The following NEBL variants were observed in gnomAD, a reference collection of about 807,000 sequenced individuals.
NEBL encodes LIM and SH3 protein 2.
In NEBL, 122 loss-of-function variants were observed where a neutral mutation model predicts 140.2. The ratio of observed to expected loss-of-function variants is 0.87; its 90% CI spans 0.75 to 1.01. NEBL has a LOEUF of 1.01. Ranked by LOEUF, NEBL falls within the 50% of genes least tolerant of loss-of-function variation. The pLI, the probability that NEBL is intolerant of heterozygous loss-of-function variation, is 0.00. For synonymous variants in NEBL, 436 were observed against 398.9 expected (o/e 1.09, Z -1.11); for missense variants, 1,365 against 1,231.3 (o/e 1.11, Z -1.62).
At chr10:21,031,237 C>A (rs1833769728) in intron 2 of NEBL, among the ~76,000 whole-genome samples, 1 of 152,052 alleles carries the variant, frequency 6.6e-6, no homozygotes, top group Admixed American at 6.6e-5. Flanking sequence ...GATGATGAAC[C>A]CTATGGGGGT....
At chr10:21,145,057 G>A (rs192469856) in intron 2 of NEBL, among the ~76,000 whole-genome samples, 44 of 151,730 alleles carry the variant, frequency 2.9e-4, no homozygotes, top group Admixed American at 2.6e-3. Flanking sequence ...AAAGATGCTC[G>A]TGGATAGAAC....
At chr10:20,970,479 C>T (rs1836521443) in intron 3 of NEBL, among the ~76,000 whole-genome samples, 1 of 151,718 alleles carries the variant, frequency 6.6e-6, no homozygotes, top group African/African-American at 2.4e-5. Flanking sequence ...TCTCTGCTCC[C>T]CCCACCAAAA....
chr10:20,818,605 A>C (rs1004201250), intron 20 of NEBL: 2 of 168,886 alleles, frequency 1.2e-5, no homozygotes, highest in Admixed American at 1.3e-4. Flanking sequence ...TTTTCTTTTC[A>C]TATTGACATC....
At chr10:21,137,546 G>GT (rs1294434963) in intron 2 of NEBL, among the ~76,000 whole-genome samples, 3 of 152,128 alleles carry the variant, frequency 2.0e-5, no homozygotes, top group African/African-American at 7.2e-5. Context: ...GCCCCATTAG[G>GT]TTTTCAGTCT....
In NEBL at chr10:20,784,425, C is replaced by T. The variant is rs1454101315; in HGVS notation, c.*1322G>A. On this transcript the variant is annotated 3_prime_UTR_variant, in exon 28 of 28. Coordinates refer to ENST00000377122, the MANE Select transcript of NEBL (RefSeq NM_006393.3). ...AACAATTTCTTTCTTAGAGAACAGG[C>T]TCTTGGGCCTGTACTAAAAAATCTC... The T allele has an allele frequency of 6.6e-6, 1 of 152,086 alleles. No homozygotes were observed. Among genetic ancestry groups the T allele is most frequent in the Non-Finnish European group, 1.5e-5 (1 of 68,022 alleles). The allele number at this position is 152,086 out of a possible 1,614,324, so 9.4% of individuals were successfully genotyped here. A position where few individuals can be genotyped will look rare whatever the true frequency, so the allele number is the denominator to read the frequency against.
At chr10:20,827,343 C>A (rs367954491) in intron 17 of NEBL, among the ~76,000 whole-genome samples, 39 of 152,290 alleles carry the variant, frequency 2.6e-4, no homozygotes, top group African/African-American at 8.7e-4. Context: ...ATCCTTCCAT[C>A]AAGACTTTCC....
intron 3 of NEBL, among the ~76,000 whole-genome samples, chr10:21,180,405 G>C (rs1010016164): frequency 6.6e-6 from 1 of 152,158 alleles, no homozygotes; most frequent in Non-Finnish European, 1.5e-5. Context: ...CTCCATGAAA[G>C]AGACCTTAAA....
intron 19 of NEBL, among the ~76,000 whole-genome samples, chr10:20,820,799 T>C (rs1335788651): frequency 6.6e-6 from 1 of 151,880 alleles, no homozygotes; most frequent in African/African-American, 2.4e-5. Context: ...CACTCCAGCC[T>C]GGGTGACAGA....
intron 1 of NEBL, among the ~76,000 whole-genome samples, chr10:21,291,830 C>T (rs902901456): frequency 2.2e-4 from 33 of 151,954 alleles, no homozygotes; most frequent in African/African-American, 7.0e-4. Flanking sequence ...CGCCTGAACC[C>T]GGGAGGCAGA....
At chr10:21,231,685 G>A (rs949074606) in intron 3 of NEBL, among the ~76,000 whole-genome samples, 3 of 152,166 alleles carry the variant, frequency 2.0e-5, no homozygotes, top group Non-Finnish European at 2.9e-5. Flanking sequence ...GGGAGAGAAC[G>A]TTCCTGAAAG....
intron 9 of NEBL, 46 bp from the exon 10 acceptor site, chr10:20,852,695 T>G (rs1240313151): frequency 7.1e-7 from 1 of 1,418,034 alleles, no homozygotes; most frequent in Non-Finnish European, 9.9e-7. Context: ...AAGAGACTGA[T>G]TAGAGCAATA....
chr10:21,051,481 T>C (rs891568803), intron 2 of NEBL, among the ~76,000 whole-genome samples: 2 of 152,084 alleles, frequency 1.3e-5, no homozygotes, highest in African/African-American at 4.8e-5. Flanking sequence ...ATCCTCATGG[T>C]ACCCCCAAAG....
chr10:20,791,103 T>G (rs894670453), intron 26 of NEBL, among the ~76,000 whole-genome samples: 2 of 152,206 alleles, frequency 1.3e-5, no homozygotes, highest in Admixed American at 1.3e-4. Context: ...TTATACTAAG[T>G]CAATGAAAAT....
intron 1 of NEBL, among the ~76,000 whole-genome samples, chr10:21,253,203 G>A (rs1001657564): frequency 1.3e-5 from 2 of 152,182 alleles, no homozygotes; most frequent in Admixed American, 6.5e-5. Flanking sequence ...CGAGGGAGGC[G>A]AAGGTTGCAG....
At chr10:20,790,600 C>CAAAAAAAAAAAAA (rs558358426) in intron 26 of NEBL, among the ~76,000 whole-genome samples, 1 of 82,864 alleles carries the variant, frequency 1.2e-5, no homozygotes, top group African/African-American at 4.5e-5. Context: ...AACTCTGTCT[C>CAAAAAAAAAAAAA]AAAAAAAAAA....
rs765187921 is a variant in NEBL at position 20,781,726 on chromosome 10, T to C, written c.*4021A>G. On this transcript the variant is annotated 3_prime_UTR_variant, in exon 28 of 28. Coordinates refer to ENST00000377122, the MANE Select transcript of NEBL (RefSeq NM_006393.3). The stretch of plus-strand genomic sequence containing the variant: ...TAATAACCACAGAAGCAACATACAA[T>C]GCCTTGACTTTTTTGATCAACAGTT... 1.3e-5 allele frequency: 2 copies of C among 152,596 alleles called. No individual in the cohort carries two copies. Among genetic ancestry groups the C allele is most frequent in the Non-Finnish European group, 2.9e-5 (2 of 68,024 alleles). The allele number at this position is 152,596 out of a possible 1,614,324, so 9.5% of individuals were successfully genotyped here. A position where few individuals can be genotyped will look rare whatever the true frequency, so the allele number is the denominator to read the frequency against.
chr10:21,165,125 G>A (rs1840707975), intron 2 of NEBL, among the ~76,000 whole-genome samples: 1 of 152,136 alleles, frequency 6.6e-6, no homozygotes, highest in South Asian at 2.1e-4. Context: ...TATTTGATGG[G>A]CTCAAGCTTA....
intron 1 of NEBL, among the ~76,000 whole-genome samples, chr10:21,269,490 G>A (rs1842836096): frequency 1.3e-5 from 2 of 152,210 alleles, no homozygotes; most frequent in South Asian, 2.1e-4. Context: ...TAAAGACTGA[G>A]TGTTTAATAT....
At chr10:20,797,944 CAAAA>C (rs1466945522) in intron 26 of NEBL, among the ~76,000 whole-genome samples, 2 of 151,436 alleles carry the variant, frequency 1.3e-5, no homozygotes, top group East Asian at 3.9e-4. Flanking sequence ...CGCAAAAAAA[CAAAA>C]AAATACTCAC....
Sources: allele counts gnomAD v4.1 joint callset (sites outside exome capture counted in the v4.1 genomes callset), GRCh38; gene constraint gnomAD v4.1.1; transcripts MANE v1.5; gene names NCBI Gene and HGNC (gene_info 2026-07-23, HGNC 2026-07-21).